CACNA1C: variants seen among roughly 807,000 people sequenced by gnomAD.
CACNA1C encodes calcium voltage-gated channel subunit alpha1 C.
CACNA1C carries 30 observed loss-of-function variants against 229.0 expected under a neutral mutation model. That is an observed-to-expected ratio of 0.13 (90% CI 0.10 to 0.18). The LOEUF (loss-of-function observed/expected upper bound fraction) is 0.18. Ranked by LOEUF, CACNA1C falls within the 10% of genes least tolerant of loss-of-function variation. The pLI is 1.00. For synonymous variants in CACNA1C, 1,114 were observed against 1,132.5 expected, an observed-to-expected ratio of 0.98 and a Z score of 0.33; for missense variants, 1,658 against 2,845.0, an observed-to-expected ratio of 0.58 and a Z score of 9.49.
rs557451896 is a variant in CACNA1C, at chr12:2,323,951, G to C, written c.478-125025G>C. Among the ~76,000 whole-genome samples, 3 of 152,288 alleles carry C rather than the reference G, an allele frequency of 2.0e-5. No individual in the cohort carries two copies. In the South Asian group the frequency reaches 6.2e-4, roughly 32 times the overall value. On this transcript the variant is annotated intron_variant, in intron 3 of 46. Transcript: ENST00000399655. ...GTAGTGGTGGTGAGTGAAGGGCATG[G>C]AGAAGATGAAATCTGAGTCCTTCCA...
chr12:2,221,297 A>G (rs541667278), intron 3 of CACNA1C, among the ~76,000 whole-genome samples: 1 of 152,276 alleles, frequency 6.6e-6, no homozygotes, highest in East Asian at 1.9e-4. Flanking sequence ...GAATACCATC[A>G]TTCTGCCTGT....
chr12:2,460,653 A>G (rs2099494543), intron 5 of CACNA1C, among the ~76,000 whole-genome samples: 1 of 152,212 alleles, frequency 6.6e-6, no homozygotes, highest in Non-Finnish European at 1.5e-5. Context: ...TTCTCTCAAG[A>G]GGATGCAGGC....
At chr12:2,405,758 A>G (rs902278513) in intron 3 of CACNA1C, among the ~76,000 whole-genome samples, 1 of 152,226 alleles carries the variant, frequency 6.6e-6, no homozygotes, top group Non-Finnish European at 1.5e-5. Context: ...TGAGAAATGC[A>G]TGTGTTACGA....
At chr12:2,567,996 C>G (rs2052132137) in intron 13 of CACNA1C, among the ~76,000 whole-genome samples, 2 of 152,170 alleles carry the variant, frequency 1.3e-5, no homozygotes, top group Admixed American at 6.5e-5. Flanking sequence ...ATACCAGAGA[C>G]TCAACTCAGT....
chr12:2,669,496 T>C (rs2096435786), intron 38 of CACNA1C, among the ~76,000 whole-genome samples: 1 of 152,200 alleles, frequency 6.6e-6, no homozygotes, highest in Non-Finnish European at 1.5e-5. Flanking sequence ...TCCATGAAAC[T>C]CTGGGACTCA....
chr12:2,154,211 A>G (rs1441563917), intron 3 of CACNA1C, among the ~76,000 whole-genome samples: 1 of 152,304 alleles, frequency 6.6e-6, no homozygotes, highest in East Asian at 1.9e-4. Flanking sequence ...GACAGGCCCT[A>G]CTTAAAAACA....
At chr12:2,674,310 T>TGGCAC (rs2096694844) in intron 38 of CACNA1C, among the ~76,000 whole-genome samples, 1 of 152,016 alleles carries the variant, frequency 6.6e-6, no homozygotes, top group Admixed American at 6.5e-5. Flanking sequence ...AGGAATGGCA[T>TGGCAC]TGGACGGGGC....
rs372147569 is a variant in CACNA1C, at chr12:2,205,145, G to A, written c.477+84715G>A. Among the ~76,000 whole-genome samples, 3 of 152,150 alleles carry A rather than the reference G, an allele frequency of 2.0e-5. No homozygotes were observed. In the South Asian group the frequency reaches 6.2e-4, roughly 32 times the overall value. ...CTGACATTCCTCCTTCCCTTTCCTG[G>A]TTGCCAGACTTTCTAGAAGGAAGCC... On this transcript the variant is annotated intron_variant, in intron 3 of 46. Coordinates refer to ENST00000399655, the MANE Select transcript of CACNA1C (RefSeq NM_000719.7).
chr12:2,151,341 AC>A (rs1185990441), intron 3 of CACNA1C, among the ~76,000 whole-genome samples: 7 of 147,782 alleles, frequency 4.7e-5, no homozygotes, highest in Non-Finnish European at 1.0e-4. Context: ...TGTATATACC[AC>A]TGGCTGACCA....
chr12:2,302,867 C>T (rs1053179528), intron 3 of CACNA1C, among the ~76,000 whole-genome samples: 3 of 152,246 alleles, frequency 2.0e-5, no homozygotes, highest in South Asian at 2.1e-4. Context: ...GGGAGCCTCT[C>T]GGCTCCATCC....
intron 3 of CACNA1C, among the ~76,000 whole-genome samples, chr12:2,378,723 T>G (rs1487326356): frequency 1.3e-5 from 2 of 152,240 alleles, no homozygotes; most frequent in African/African-American, 4.8e-5. Flanking sequence ...CTACTAAATC[T>G]TCATTGCTCT....
At chr12:2,132,213 A>G (rs1321083035) in intron 3 of CACNA1C, among the ~76,000 whole-genome samples, 6 of 144,768 alleles carry the variant, frequency 4.1e-5, no homozygotes, top group East Asian at 2.0e-4. Context: ...GGCTGAGACA[A>G]TGGGGTTTTG....
chr12:2,220,285 G>A (rs898798772), intron 3 of CACNA1C, among the ~76,000 whole-genome samples: 2 of 152,216 alleles, frequency 1.3e-5, no homozygotes, highest in Admixed American at 6.5e-5. Context: ...ATCTGTAAGA[G>A]TGGGAATGAT....
At chr12:2,168,732 G>C (rs1212920535) in intron 3 of CACNA1C, among the ~76,000 whole-genome samples, 1 of 152,090 alleles carries the variant, frequency 6.6e-6, no homozygotes, top group African/African-American at 2.4e-5. Flanking sequence ...GTGGAGGTGG[G>C]CCTAGCAAGA....
intron 29 of CACNA1C, 163 bp downstream of exon 29, chr12:2,612,176 C>A: frequency 1.7e-6 from 1 of 587,352 alleles, no homozygotes. Flanking sequence ...TACACCTGCC[C>A]AGAGCTGAAC....
At chr12:2,041,270 C>A (rs78687325) in intron 1 of CACNA1C, among the ~76,000 whole-genome samples, 5 of 91,000 alleles carry the variant, frequency 5.5e-5, no homozygotes, top group African/African-American at 1.7e-4. Flanking sequence ...TAAGGGTATT[C>A]TTTTTTTTTT....
chr12:2,281,688 C>T (rs531211188), intron 3 of CACNA1C, among the ~76,000 whole-genome samples: 8 of 152,246 alleles, frequency 5.3e-5, no homozygotes, highest in Admixed American at 4.6e-4. Flanking sequence ...TGTCTTTATG[C>T]CCTGGCTACT....
At chr12:2,334,801 T>C (rs1173505515) in intron 3 of CACNA1C, among the ~76,000 whole-genome samples, 1 of 152,182 alleles carries the variant, frequency 6.6e-6, no homozygotes, top group Non-Finnish European at 1.5e-5. Context: ...TGACAGCAAC[T>C]AAAGGCCTGC....
intron 3 of CACNA1C, among the ~76,000 whole-genome samples, chr12:2,226,106 C>T (rs1290557280): frequency 6.9e-6 from 1 of 145,002 alleles, no homozygotes; most frequent in East Asian, 2.0e-4. Flanking sequence ...CAAGGTATGC[C>T]GCTTGGATAT....
Sources: gnomAD v4.1 joint callset for allele counts (sites outside exome capture counted in the v4.1 genomes callset) on GRCh38, gnomAD v4.1.1 for gene constraint, MANE v1.5 for transcripts, NCBI Gene and HGNC (gene_info 2026-07-23, HGNC 2026-07-21) for gene names.